Variants in PTGS1 observed in about 807,000 individuals in gnomAD.
PTGS1 encodes prostaglandin-endoperoxide synthase 1.
In PTGS1, 40 loss-of-function variants were observed where a neutral mutation model predicts 63.0. That is an observed-to-expected ratio of 0.63 (90% CI 0.49 to 0.83). The LOEUF (loss-of-function observed/expected upper bound fraction) is 0.83. Among genes scored for constraint, PTGS1 ranks in the 40% least tolerant of loss-of-function variants. PTGS1 has a pLI of 0.00. For synonymous variants in PTGS1, 298 were observed against 301.9 expected (o/e 0.99, Z 0.13); for missense variants, 709 against 786.5 (o/e 0.90, Z 1.18).
At chr9:122,392,125 G>A (rs879085301) in intron 10 of PTGS1, 64 bp from the exon 11 acceptor site, 19 of 1,426,494 alleles carry the variant, frequency 1.3e-5, no homozygotes, top group Middle Eastern at 1.8e-4. Flanking sequence ...GAAGGGTCCC[G>A]CCCCAGGTTG....
intron 8 of PTGS1, among the ~76,000 whole-genome samples, chr9:122,385,955 T>A (rs141654052): frequency 6.6e-6 from 1 of 152,052 alleles, no homozygotes; most frequent in Admixed American, 6.6e-5. Flanking sequence ...TATTTTCACA[T>A]CCTGTTACAA....
At position 122,371,241 on chromosome 9, in the gene PTGS1, C is replaced by T. The variant is rs771307359; in HGVS notation, c.63C>T (p.Val21=). 1.4e-5 allele frequency: 23 copies of T among 1,607,408 alleles called. No individual in the cohort carries two copies. The South Asian group carries it at 2.2e-4, about 15-fold the overall frequency. ...TGCTCCTGCTCCCGCCGCTCCCCGTCCTGCTCGCGGACCCAGGGGCGCCCA... is the reference window on the plus strand; with the variant it reads ...TGCTCCTGCTCCCGCCGCTCCCCGTTCTGCTCGCGGACCCAGGGGCGCCCA... ...LFLLLLPPLP[V]LLADPGAPTP... Residue 21 remains valine, a synonymous_variant, in exon 2 of 11, where the codon GTC becomes GTT. Transcript: ENST00000362012.
chr9:122,379,090 G>A (rs996292142), intron 5 of PTGS1, among the ~76,000 whole-genome samples, 172 bp downstream of exon 5: 7 of 152,160 alleles, frequency 4.6e-5, no homozygotes, highest in African/African-American at 1.7e-4. Context: ...GGCAGCAGAG[G>A]GTCTTGCCTG....
At chr9:122,382,525 T>A (rs1837589350) in intron 7 of PTGS1, among the ~76,000 whole-genome samples, 1 of 152,240 alleles carries the variant, frequency 6.6e-6, no homozygotes, top group Admixed American at 6.5e-5. Context: ...GGTTTTCCAA[T>A]AGCTGAAGTA....
At position 122,376,771 on chromosome 9, in the gene PTGS1, C is replaced by T. The variant is rs191738217; in HGVS notation, c.95-1128C>T. 6.5e-3 allele frequency among the ~76,000 whole-genome samples: 995 copies of T among 152,312 alleles called. 5 individuals carry two copies. Among genetic ancestry groups the T allele is most frequent in the Non-Finnish European group, 8.4e-3 (573 of 68,032 alleles). The stretch of plus-strand genomic sequence containing the variant: ...TGGTCTGCCCAGCTCTGTTCTGTTT[C>T]CTTGGCCAAGTTATCACCTGTCCCT... On this transcript the variant is annotated intron_variant, in intron 2 of 10. Transcript: ENST00000362012.
chr9:122,392,580 T>C lies in PTGS1; in HGVS notation c.*36T>C. On this transcript the variant is annotated 3_prime_UTR_variant, in exon 11 of 11. Transcript: ENST00000362012. Reference sequence around the variant, plus strand: ...AGCAGCATTCTGGAGGGGAGAGCTTTGTGCTTGTCATTCCAGAGTGCTGAG... The same window carrying C: ...AGCAGCATTCTGGAGGGGAGAGCTTCGTGCTTGTCATTCCAGAGTGCTGAG... The C allele has an allele frequency of 6.3e-7, 1 of 1,576,042 alleles. No homozygotes were observed. The highest frequency in any genetic ancestry group is 8.7e-7 in the Non-Finnish European group (1 of 1,154,490).
intron 2 of PTGS1, chr9:122,375,409 C>T: frequency 1.0e-6 from 1 of 985,510 alleles, no homozygotes. Context: ...TGTTGAGGGC[C>T]TGGAAGATGA....
At chr9:122,371,602 G>A in intron 2 of PTGS1, 3 of 1,430,616 alleles carry the variant, frequency 2.1e-6, no homozygotes, top group African/African-American at 1.4e-5. Flanking sequence ...CAACCCCGCT[G>A]TTTCCTATAG....
At chr9:122,380,117 A>G (rs1321360092) in intron 5 of PTGS1, among the ~76,000 whole-genome samples, 1 of 152,184 alleles carries the variant, frequency 6.6e-6, no homozygotes, top group Non-Finnish European at 1.5e-5. Context: ...CAAGCCTGCT[A>G]GTCCTTTTGG....
intron 2 of PTGS1, chr9:122,375,346 A>T: frequency 1.0e-6 from 1 of 985,440 alleles, no homozygotes; most frequent in Non-Finnish European, 1.2e-6. Context: ...CTGCCTGCCG[A>T]GGCAGAGCTC....
chr9:122,378,137 C>T, intron 3 of PTGS1, 122 bp downstream of exon 3: 1 of 1,020,460 alleles, frequency 9.8e-7, no homozygotes, highest in Non-Finnish European at 1.5e-6. Context: ...CCTTCCTTGC[C>T]TGGTTCTGCC....
intron 10 of PTGS1, 65 bp from the exon 11 acceptor site, chr9:122,392,124 C>T (rs1041410478): frequency 4.8e-5 from 69 of 1,424,400 alleles, no homozygotes; most frequent in Admixed American, 2.8e-4. Context: ...GGAAGGGTCC[C>T]GCCCCAGGTT....
At chr9:122,383,794 C>A in intron 8 of PTGS1, 39 bp downstream of exon 8, 1 of 1,587,194 alleles carries the variant, frequency 6.3e-7, no homozygotes, top group Non-Finnish European at 8.6e-7. Context: ...GAAGGTCATT[C>A]CCTCCATCCT....
intron 9 of PTGS1, among the ~76,000 whole-genome samples, chr9:122,387,425 G>C (rs1184663415): frequency 6.6e-6 from 1 of 152,126 alleles, no homozygotes; most frequent in South Asian, 2.1e-4. Flanking sequence ...TTTAAAGTTC[G>C]TATGTTGAAA....
rs756432903 is a variant in PTGS1 at position 122,371,232 on chromosome 9, G to A, written c.54G>A (p.Pro18=). 1.2e-6 allele frequency: 2 copies of A among 1,607,654 alleles called. No individual in the cohort carries two copies. Among genetic ancestry groups the A allele is most frequent in the East Asian group, 2.2e-5 (1 of 44,882 alleles). ...TGCTGTTCCTGCTCCTGCTCCCGCC[G>A]CTCCCCGTCCTGCTCGCGGACCCAG... The part of the protein sequence containing the change: ...WFLLFLLLLP[P]LPVLLADPGA... The change falls in exon 2 of 11, where the codon CCG becomes CCA. Residue 18 remains proline, a synonymous_variant. Coordinates refer to ENST00000362012, the MANE Select transcript of PTGS1 (RefSeq NM_000962.4).
intron 7 of PTGS1, among the ~76,000 whole-genome samples, chr9:122,382,562 A>T (rs1282669390): frequency 6.6e-6 from 1 of 152,260 alleles, no homozygotes; most frequent in Non-Finnish European, 1.5e-5. Context: ...AATAGAAATT[A>T]AGATAAACCT....
Position 122,386,687 on chromosome 9 carries a change from G to T in PTGS1, c.1251G>T (p.Gly417=). The T allele has an allele frequency of 6.2e-7, 1 of 1,614,196 alleles. No homozygotes were observed. Among genetic ancestry groups the T allele is most frequent in the Non-Finnish European group, 8.5e-7 (1 of 1,180,040 alleles). The change falls in exon 9 of 11, where the codon GGG becomes GGT. Residue 417 remains glycine, a synonymous_variant. Coordinates refer to ENST00000362012, the MANE Select transcript of PTGS1 (RefSeq NM_000962.4). Reference sequence around the variant, plus strand: ...ACACCTCCATGTTGGTGGACTATGGGGTTGAGGCCCTGGTGGATGCCTTCT... The same window carrying T: ...ACACCTCCATGTTGGTGGACTATGGTGTTGAGGCCCTGGTGGATGCCTTCT... The part of the protein sequence containing the change: ...LFNTSMLVDY[G]VEALVDAFSR...
At chr9:122,388,541 A>T (rs1481257996) in intron 9 of PTGS1, among the ~76,000 whole-genome samples, 2 of 152,236 alleles carry the variant, frequency 1.3e-5, no homozygotes, top group Non-Finnish European at 2.9e-5. Flanking sequence ...TAGCTTGAAT[A>T]GCTGCCCAAG....
At chr9:122,386,073 G>T (rs1837853055) in intron 8 of PTGS1, among the ~76,000 whole-genome samples, 1 of 151,452 alleles carries the variant, frequency 6.6e-6, no homozygotes, top group Non-Finnish European at 1.5e-5. Flanking sequence ...GGTGAGAGAA[G>T]TGCTTGAGAC....
Sources: allele counts gnomAD v4.1 joint callset (sites outside exome capture counted in the v4.1 genomes callset), GRCh38; gene constraint gnomAD v4.1.1; transcripts MANE v1.5; gene names NCBI Gene and HGNC (gene_info 2026-07-23, HGNC 2026-07-21).